The following RPH3A variants were observed in gnomAD, a reference collection of about 807,000 sequenced individuals.
RPH3A encodes the protein rabphilin 3A.
Under a neutral mutation model 102.2 loss-of-function variants are expected in RPH3A, and 48 were observed. The observed-to-expected ratio is 0.47, with a 90% CI of 0.37 to 0.60. RPH3A has a LOEUF of 0.60. Ranked by LOEUF, RPH3A falls within the 20% of genes least tolerant of loss-of-function variation. The pLI, the probability that RPH3A is intolerant of heterozygous loss-of-function variation, is 0.00. For synonymous variants in RPH3A, 310 were observed against 324.3 expected (o/e 0.96, Z 0.47); for missense variants, 781 against 910.1 (o/e 0.86, Z 1.83).
intron 1 of RPH3A, among the ~76,000 whole-genome samples, chr12:112,682,923 A>G (rs2040237291): frequency 6.6e-6 from 1 of 152,180 alleles, no homozygotes; most frequent in Non-Finnish European, 1.5e-5. Flanking sequence ...CCTATTTATC[A>G]TTCAGGTCTT....
chr12:112,857,934 C>A (rs1414207387), intron 5 of RPH3A, among the ~76,000 whole-genome samples: 1 of 152,116 alleles, frequency 6.6e-6, no homozygotes, highest in Non-Finnish European at 1.5e-5. Flanking sequence ...ACTCTCACTG[C>A]ACTGAGCCTC....
chr12:112,803,076 G>A (rs1041221922), intron 2 of RPH3A, among the ~76,000 whole-genome samples: 1 of 152,142 alleles, frequency 6.6e-6, no homozygotes, highest in East Asian at 1.9e-4. Flanking sequence ...TGGTTGTCAT[G>A]GCAGCGGGTC....
chr12:112,755,557 G>A (rs573843503), intron 1 of RPH3A, among the ~76,000 whole-genome samples: 1 of 152,280 alleles, frequency 6.6e-6, no homozygotes, highest in East Asian at 1.9e-4. Flanking sequence ...GTCTTGAAAT[G>A]TTTTTGTGTG....
At chr12:112,759,383 T>C (rs2040840048) in intron 1 of RPH3A, among the ~76,000 whole-genome samples, 1 of 152,186 alleles carries the variant, frequency 6.6e-6, no homozygotes, top group Non-Finnish European at 1.5e-5. Flanking sequence ...GCCTCTCTGG[T>C]CTGAGGAGCC....
In RPH3A at chr12:112,847,862, A is replaced by G; in HGVS notation, c.230+20A>G. ...AATCGGGTGAGGCTTAACGCTTCCC[A>G]TTCACCCCAGAGCTGCTGTGGCAGG... On this transcript the variant is annotated intron_variant, in intron 5 of 21. Coordinates refer to ENST00000389385, the MANE Select transcript of RPH3A (RefSeq NM_001143854.2). 2.5e-6 allele frequency: 4 copies of G among 1,612,492 alleles called. No individual in the cohort carries two copies. The highest frequency in any genetic ancestry group is 2.2e-5 in the South Asian group (2 of 90,724).
rs374085633 is a variant in RPH3A at position 112,847,722 on chromosome 12, C to A, written c.110C>A (p.Pro37His). 242 of 1,613,996 alleles carry A rather than the reference C, an allele frequency of 1.5e-4. No individual in the cohort carries two copies. The highest frequency in any genetic ancestry group is 2.3e-5 in the Non-Finnish European group (27 of 1,180,014). ...EQLQAGWSVH[P>H]GGQPDRQRKQ... ...CTCCAGGCAGGCTGGTCCGTCCACC[C>A]CGGTGGTCAGCCTGACAGGCAGAGG... Residue 37 changes from proline to histidine, a missense_variant, in exon 5 of 22, where the codon CCC becomes CAC. Transcript: ENST00000389385.
intron 1 of RPH3A, among the ~76,000 whole-genome samples, chr12:112,628,547 T>C (rs1394637572): frequency 9.2e-6 from 1 of 108,520 alleles, no homozygotes; most frequent in Non-Finnish European, 1.7e-5. Flanking sequence ...CTGGGAAACA[T>C]TGCAAGGCCT....
At chr12:112,776,953 A>G (rs1167183837) in intron 1 of RPH3A, among the ~76,000 whole-genome samples, 1 of 149,548 alleles carries the variant, frequency 6.7e-6, no homozygotes, top group Non-Finnish European at 1.5e-5. Context: ...ATAGCACTCT[A>G]TTGGCCAAAG....
At chr12:112,679,140 A>T (rs989800062) in intron 1 of RPH3A, among the ~76,000 whole-genome samples, 1 of 151,562 alleles carries the variant, frequency 6.6e-6, no homozygotes, top group Non-Finnish European at 1.5e-5. Context: ...GGATCTCTGG[A>T]GTTCCTTTAC....
At chr12:112,767,541 G>T (rs2040899013) in intron 1 of RPH3A, among the ~76,000 whole-genome samples, 1 of 152,186 alleles carries the variant, frequency 6.6e-6, no homozygotes, top group African/African-American at 2.4e-5. Context: ...GGTCTGGCTA[G>T]GAGCTTTAGT....
At position 112,728,412 on chromosome 12, in the gene RPH3A, T is replaced by C. The variant is rs188369079; in HGVS notation, c.-139-63731T>C. Among the ~76,000 whole-genome samples the C allele has an allele frequency of 1.4e-4, 22 of 152,282 alleles. No individual in the cohort carries two copies. In the East Asian group the frequency reaches 3.7e-3, roughly 25 times the overall value. The stretch of plus-strand genomic sequence containing the variant: ...TTTGGCAGGAGGACCATAACCCTTA[T>C]AATCATGGACAGGCATCAAATGAAC... On this transcript the variant is annotated intron_variant, in intron 1 of 21. Coordinates refer to the RPH3A transcript ENST00000543106.
At chr12:112,857,425 A>G (rs1003299768) in intron 5 of RPH3A, among the ~76,000 whole-genome samples, 2 of 152,198 alleles carry the variant, frequency 1.3e-5, no homozygotes, top group African/African-American at 4.8e-5. Context: ...GATTATCCAG[A>G]TGGACCCCAT....
intron 1 of RPH3A, among the ~76,000 whole-genome samples, chr12:112,678,419 A>C (rs1449558135): frequency 6.6e-6 from 1 of 152,068 alleles, no homozygotes; most frequent in Non-Finnish European, 1.5e-5. Context: ...TTATGAGGAC[A>C]AGAGGAAAGG....
chr12:112,804,877 C>G (rs777580532), intron 2 of RPH3A, among the ~76,000 whole-genome samples: 1 of 152,158 alleles, frequency 6.6e-6, no homozygotes, highest in Non-Finnish European at 1.5e-5. Context: ...TTTGGATTTT[C>G]CTAATTCAGG....
Position 112,876,754 on chromosome 12 carries a change from C to A in RPH3A, c.1059C>A (p.Ser353=). ...GAGAGGACCGAATGAGCCACCCCTC[C>A]GGACCCTATTCCCAAGCATCTGCAG... The part of the protein sequence containing the change: ...GAREDRMSHP[S]GPYSQASAAA... The change falls in exon 13 of 22, where the codon TCC becomes TCA. Residue 353 remains serine, a synonymous_variant. Coordinates refer to ENST00000389385, the MANE Select transcript of RPH3A (RefSeq NM_001143854.2). 6.2e-7 allele frequency: 1 copy of A among 1,613,286 alleles called. No individual in the cohort carries two copies. Among genetic ancestry groups the A allele is most frequent in the South Asian group, 1.1e-5 (1 of 90,838 alleles).
intron 2 of RPH3A, among the ~76,000 whole-genome samples, chr12:112,827,482 G>A (rs2041897999): frequency 6.6e-6 from 1 of 152,126 alleles, no homozygotes; most frequent in Non-Finnish European, 1.5e-5. Flanking sequence ...TCTACTTTGT[G>A]GTTATTATGA....
upstream of RPH3A, chr12:112,791,160 G>A (rs765355614): frequency 6.6e-6 from 1 of 152,088 alleles, no homozygotes; most frequent in Non-Finnish European, 1.5e-5. Context: ...TTTCTGCTCT[G>A]AATTCTGAGA....
At chr12:112,804,899 A>G (rs900328727) in intron 2 of RPH3A, among the ~76,000 whole-genome samples, 1 of 152,156 alleles carries the variant, frequency 6.6e-6, no homozygotes, top group Non-Finnish European at 1.5e-5. Context: ...AGGCTCCTGA[A>G]GTTTCTTTAC....
At chr12:112,777,457 G>T (rs1251891714) in intron 1 of RPH3A, among the ~76,000 whole-genome samples, 1 of 152,190 alleles carries the variant, frequency 6.6e-6, no homozygotes, top group Non-Finnish European at 1.5e-5. Context: ...AGACGCCACT[G>T]TGTGTTAGCC....
Sources: allele counts gnomAD v4.1 joint callset (sites outside exome capture counted in the v4.1 genomes callset), GRCh38; gene constraint gnomAD v4.1.1; transcripts MANE v1.5; gene names NCBI Gene and HGNC (gene_info 2026-07-23, HGNC 2026-07-21).